The following WASF1 variants were observed in gnomAD, a reference collection of about 807,000 sequenced individuals.
The protein encoded by WASF1 is WASP family member 1.
In WASF1, 7 loss-of-function variants were observed where a neutral mutation model predicts 50.5. That is an observed-to-expected ratio of 0.14 (90% CI 0.08 to 0.26). The LOEUF (loss-of-function observed/expected upper bound fraction) is 0.26. Ranked by LOEUF, WASF1 falls within the 10% of genes least tolerant of loss-of-function variation. The probability of loss-of-function intolerance (pLI) is 1.00; values close to 1 mark genes in which losing one functional copy is unlikely to be tolerated. For synonymous variants in WASF1, 205 were observed against 244.0 expected, an observed-to-expected ratio of 0.84 and a Z score of 1.49; for missense variants, 470 against 694.7, an observed-to-expected ratio of 0.68 and a Z score of 3.64.
intron 4 of WASF1, among the ~76,000 whole-genome samples, chr6:110,122,756 T>C (rs753372206): frequency 6.6e-6 from 1 of 152,192 alleles, no homozygotes; most frequent in South Asian, 2.1e-4. Flanking sequence ...AATATACATG[T>C]TAAGCAACAG....
chr6:110,179,065 G>C (rs1025402172), intron 1 of WASF1, among the ~76,000 whole-genome samples: 2 of 152,244 alleles, frequency 1.3e-5, no homozygotes, highest in Non-Finnish European at 2.9e-5. Context: ...TCTGTCGCCC[G>C]GGGCTACCGC....
chr6:110,146,688 C>T (rs192734783), intron 3 of WASF1, among the ~76,000 whole-genome samples: 1 of 152,050 alleles, frequency 6.6e-6, no homozygotes, highest in Non-Finnish European at 1.5e-5. Flanking sequence ...TTCCCTAAAT[C>T]TATAATGCAC....
chr6:110,123,794 T>A (rs1350193881), intron 4 of WASF1, among the ~76,000 whole-genome samples: 4 of 152,280 alleles, frequency 2.6e-5, no homozygotes, highest in Admixed American at 6.5e-5. Flanking sequence ...AAAGCAGGTA[T>A]AAAGTTACTC....
At chr6:110,165,417 C>A (rs1471360058) in intron 2 of WASF1, among the ~76,000 whole-genome samples, 1 of 151,584 alleles carries the variant, frequency 6.6e-6, no homozygotes, top group African/African-American at 2.4e-5. Context: ...TATACACTTT[C>A]AAATGATTAA....
At chr6:110,176,907 C>A (rs916092165) in intron 2 of WASF1, among the ~76,000 whole-genome samples, 1 of 151,992 alleles carries the variant, frequency 6.6e-6, no homozygotes, top group Non-Finnish European at 1.5e-5. Context: ...CACAAAGTAA[C>A]CAAAAGCACT....
chr6:110,135,405 A>T (rs1343757463), intron 3 of WASF1, among the ~76,000 whole-genome samples: 1 of 152,024 alleles, frequency 6.6e-6, no homozygotes, highest in African/African-American at 2.4e-5. Context: ...TCCTATTACT[A>T]CCTGCCCAAG....
At chr6:110,127,441 A>T in intron 4 of WASF1, 28 bp downstream of exon 4, 1 of 1,532,666 alleles carries the variant, frequency 6.5e-7, no homozygotes, top group Non-Finnish European at 8.8e-7. Context: ...CTGGTTTGTG[A>T]GTATATTTTT....
intron 4 of WASF1, among the ~76,000 whole-genome samples, chr6:110,121,902 G>A (rs151072640): frequency 5.2e-4 from 79 of 152,188 alleles, no homozygotes; most frequent in African/African-American, 1.8e-3. Context: ...TATAAAGCTG[G>A]AAACCATCAT....
chr6:110,161,672 C>A (rs913097660), intron 2 of WASF1, among the ~76,000 whole-genome samples: 5 of 151,478 alleles, frequency 3.3e-5, no homozygotes, highest in African/African-American at 9.7e-5. Context: ...CCATTCCTTG[C>A]CATTCAGCAA....
chr6:110,126,363 T>C (rs1189065419), intron 4 of WASF1, among the ~76,000 whole-genome samples: 1 of 152,142 alleles, frequency 6.6e-6, no homozygotes, highest in Non-Finnish European at 1.5e-5. Context: ...AAAATTCAAA[T>C]AAAATAGCCT....
Position 110,101,874 on chromosome 6 carries a change from A to G in WASF1, c.1236T>C (p.Val412=). 6.2e-7 allele frequency: 1 copy of G among 1,613,856 alleles called. No individual in the cohort carries two copies. The highest frequency in any genetic ancestry group is 8.5e-7 in the Non-Finnish European group (1 of 1,179,926). Reference sequence around the variant, plus strand: ...GAACTTCACCTTGTGGGAGTGGATGAACTGGTACAGTCTCACATACTGGGG... The same window carrying G: ...GAACTTCACCTTGTGGGAGTGGATGGACTGGTACAGTCTCACATACTGGGG... ...RAAPVCETVP[V]HPLPQGEVQG... Residue 412 remains valine (V), a synonymous_variant, in exon 10 of 11, where the codon GTT becomes GTC. Coordinates refer to ENST00000392589, the MANE Select transcript of WASF1 (RefSeq NM_003931.3).
intron 4 of WASF1, among the ~76,000 whole-genome samples, chr6:110,116,680 C>G (rs1440302800): frequency 6.6e-6 from 1 of 152,230 alleles, no homozygotes; most frequent in Non-Finnish European, 1.5e-5. Flanking sequence ...GTGGTTCTCT[C>G]AGCACAGCGT....
In WASF1 at chr6:110,139,787, T is replaced by C. The variant is rs995470577; in HGVS notation, c.-28-12158A>G. Among the ~76,000 whole-genome samples the C allele has an allele frequency of 2.4e-4, 36 of 152,200 alleles. 1 individual carries two copies. Among genetic ancestry groups the C allele is most frequent in the African/African-American group, 8.2e-4 (34 of 41,452 alleles). On this transcript the variant is annotated intron_variant, in intron 3 of 10. Transcript: ENST00000392589. Reference sequence around the variant, plus strand: ...AACCACAAATAGTACTGAGCCTATATATACTATGTTTTTTCCTATTCATAC... The same window carrying C: ...AACCACAAATAGTACTGAGCCTATACATACTATGTTTTTTCCTATTCATAC...
In WASF1 at chr6:110,168,599, C is replaced by G. The variant is rs1352295018; in HGVS notation, c.-126-7867G>C. ...TCAAATGATGTGGCTTTACTACTTGCCAAGCCTAGAGCAACTGTTAGAAGT... is the reference window on the plus strand; with the variant it reads ...TCAAATGATGTGGCTTTACTACTTGGCAAGCCTAGAGCAACTGTTAGAAGT... On this transcript the variant is annotated intron_variant, in intron 2 of 10. Coordinates refer to ENST00000392589, the MANE Select transcript of WASF1 (RefSeq NM_003931.3). Among the ~76,000 whole-genome samples the G allele has an allele frequency of 2.6e-5, 4 of 152,170 alleles. No homozygotes were observed. The South Asian group carries it at 8.3e-4, about 32-fold the overall frequency.
chr6:110,147,010 C>G (rs1329748088), intron 3 of WASF1, among the ~76,000 whole-genome samples: 4 of 152,006 alleles, frequency 2.6e-5, no homozygotes, highest in Admixed American at 6.6e-5. Flanking sequence ...AAAAACTGCC[C>G]TAAGAACAGT....
chr6:110,124,189 G>GT (rs1202382438), intron 4 of WASF1, among the ~76,000 whole-genome samples: 103 of 114,884 alleles, frequency 9.0e-4, no homozygotes, highest in African/African-American at 3.5e-3. Flanking sequence ...AGCCCCATCA[G>GT]CGTCTCTCTC....
intron 3 of WASF1, among the ~76,000 whole-genome samples, chr6:110,134,829 C>T (rs1457286657): frequency 6.6e-6 from 1 of 152,064 alleles, no homozygotes; most frequent in East Asian, 1.9e-4. Flanking sequence ...GTTCTTTTTG[C>T]TTAGTCTTGC....
chr6:110,148,421 T>A (rs1191372293), intron 3 of WASF1, among the ~76,000 whole-genome samples: 1 of 152,056 alleles, frequency 6.6e-6, no homozygotes, highest in East Asian at 1.9e-4. Context: ...AGGGGACCTG[T>A]CTCCTTAAGG....
rs1773111085 is a variant in WASF1, at chr6:110,101,972, C to G, written c.1138G>C (p.Gly380Arg). 11 of 1,594,208 alleles carry G rather than the reference C, an allele frequency of 6.9e-6. No homozygotes were observed. Among genetic ancestry groups the G allele is most frequent in the Non-Finnish European group, 9.4e-6 (11 of 1,170,986 alleles). The change falls in exon 10 of 11, where the codon GGA becomes CGA. Residue 380 changes from glycine to arginine, a missense_variant. Physicochemically the swap from Gly to Arg is moderately radical, Grantham distance 125. Around this residue, in one of 3 missense-constraint regions of WASF1, gnomAD observed 294 missense variants for 343.5 expected, o/e 0.86. Transcript: ENST00000392589. Reference protein sequence around the residue: ...PPPAPLQIAPGVLHPAPPPIA... With the variant: ...PPPAPLQIAPRVLHPAPPPIA... The stretch of plus-strand genomic sequence containing the variant: ...GGAGGAGGAGCTGGGTGAAGAACTC[C>G]AGGGGCAATCTGAAGAGGAGCTGGA...
Sources: allele counts gnomAD v4.1 joint callset (sites outside exome capture counted in the v4.1 genomes callset), GRCh38; gene constraint gnomAD v4.1.1; regional missense constraint gnomAD v4.1.1; transcripts MANE v1.5; gene names NCBI Gene and HGNC (gene_info 2026-07-23, HGNC 2026-07-21).